Variants in KLHL29 observed in about 807,000 individuals in gnomAD.
The protein encoded by KLHL29 is kelch like family member 29, also known as kelch-like protein 29.
KLHL29 carries 21 observed loss-of-function variants against 80.4 expected under a neutral mutation model. The ratio of observed to expected loss-of-function variants is 0.26; its 90% CI spans 0.19 to 0.38. KLHL29 has a LOEUF of 0.38. Among genes scored for constraint, KLHL29 ranks in the 10% least tolerant of loss-of-function variants. The pLI, the probability that KLHL29 is intolerant of heterozygous loss-of-function variation, is 1.00. For synonymous variants in KLHL29, 511 were observed against 526.8 expected (o/e 0.97, Z 0.41); for missense variants, 867 against 1,223.9 (o/e 0.71, Z 4.35).
Position 23,574,033 on chromosome 2 carries a change from G to A in KLHL29, c.285+11552G>A, listed in dbSNP as rs139793925. 2.1e-3 allele frequency among the ~76,000 whole-genome samples: 327 copies of A among 152,268 alleles called. 1 individual carries two copies. Among genetic ancestry groups the A allele is most frequent in the African/African-American group, 7.2e-3 (299 of 41,550 alleles). On this transcript the variant is annotated intron_variant, in intron 3 of 13. Coordinates refer to ENST00000486442, the MANE Select transcript of KLHL29 (RefSeq NM_052920.2). ...GCTCCCTCTTGCTGGTCCCTCGGTCGTTCTTGGTGGATTTGAACCTGGGCT... is the reference window on the plus strand; with the variant it reads ...GCTCCCTCTTGCTGGTCCCTCGGTCATTCTTGGTGGATTTGAACCTGGGCT...
intron 1 of KLHL29, among the ~76,000 whole-genome samples, chr2:23,388,989 C>CTTTTTTTTTTTTTTTTTTTT (rs10691490): frequency 9.4e-6 from 1 of 106,878 alleles, no homozygotes; most frequent in Non-Finnish European, 1.9e-5. Flanking sequence ...CTTTCTTCTT[C>CTTTTTTTTTTTTTTTTTTTT]TTTTTTTTTT....
At chr2:23,683,906 AG>A (rs1671162836) in intron 5 of KLHL29, among the ~76,000 whole-genome samples, 1 of 152,142 alleles carries the variant, frequency 6.6e-6, no homozygotes, top group Non-Finnish European at 1.5e-5. Context: ...GTCTAACATA[AG>A]GGACGCTGTT....
intron 2 of KLHL29, among the ~76,000 whole-genome samples, chr2:23,539,685 C>A (rs116625039): frequency 1.3e-5 from 2 of 151,960 alleles, no homozygotes. Context: ...CAAGTGACCC[C>A]TCTTCCTCAG....
chr2:23,406,435 G>A (rs747750270), intron 1 of KLHL29, among the ~76,000 whole-genome samples: 8 of 151,882 alleles, frequency 5.3e-5, no homozygotes, highest in Non-Finnish European at 8.8e-5. Flanking sequence ...ACATTAGTTG[G>A]GACCATGTTG....
chr2:23,642,487 G>C lies in KLHL29; in HGVS notation c.577G>C (p.Val193Leu). 1 of 1,518,464 alleles carries C rather than the reference G, an allele frequency of 6.6e-7. No homozygotes were observed. Among genetic ancestry groups the C allele is most frequent in the Non-Finnish European group, 8.9e-7 (1 of 1,127,634 alleles). The allele number at this position is 1,518,464 out of a possible 1,614,324, so 94.1% of individuals were successfully genotyped here. A position where few individuals can be genotyped will look rare whatever the true frequency, so the allele number is the denominator to read the frequency against. The change falls in exon 5 of 14, where the codon GTG becomes CTG. Residue 193 changes from valine (V) to leucine (L), a missense_variant. Val to Leu is a conservative substitution (Grantham distance 32). Transcript: ENST00000486442. Reference sequence around the variant, plus strand: ...GGTGACCCCCTCACTGCCTCCCCACGTGGGGCCCCAGCTCCCGCTGATGCC... The same window carrying C: ...GGTGACCCCCTCACTGCCTCCCCACCTGGGGCCCCAGCTCCCGCTGATGCC... The part of the protein sequence containing the change: ...IGVTPSLPPH[V>L]GPQLPLMPGH...
At chr2:23,498,450 TG>T (rs1329458349) in intron 2 of KLHL29, among the ~76,000 whole-genome samples, 1 of 152,192 alleles carries the variant, frequency 6.6e-6, no homozygotes, top group Non-Finnish European at 1.5e-5. Flanking sequence ...GACTACTACC[TG>T]GGGGCCTCGC....
chr2:23,557,306 G>A (rs1197733050), intron 2 of KLHL29, among the ~76,000 whole-genome samples: 2 of 152,188 alleles, frequency 1.3e-5, no homozygotes, highest in Admixed American at 6.5e-5. Context: ...TCCTTTAACT[G>A]TGCCGTCTCA....
At chr2:23,589,381 G>A (rs1460865496) in intron 3 of KLHL29, among the ~76,000 whole-genome samples, 2 of 152,228 alleles carry the variant, frequency 1.3e-5, no homozygotes, top group South Asian at 4.1e-4. Flanking sequence ...TTAATAGGGC[G>A]GCCTGGGTGT....
At chr2:23,650,624 G>A (rs1670064023) in intron 5 of KLHL29, among the ~76,000 whole-genome samples, 1 of 152,202 alleles carries the variant, frequency 6.6e-6, no homozygotes, top group Non-Finnish European at 1.5e-5. Context: ...GATTCTCAGG[G>A]GCTTTGACCT....
In KLHL29 at chr2:23,684,365, G is replaced by T; in HGVS notation, c.941-34G>T. 7.3e-7 allele frequency: 1 copy of T among 1,366,844 alleles called. No homozygotes were observed. 84.7% of individuals were successfully genotyped at this position (1,366,844 alleles called of 1,614,324 possible). The stretch of plus-strand genomic sequence containing the variant: ...TTAAAAAAAAAAAAACTCTTAATGG[G>T]AACCTGGCCCTGTCTGTCTTCTCTG... On this transcript the variant is annotated intron_variant, in intron 5 of 13. Transcript: ENST00000486442. The surrounding 1 kb of genome is among the most constrained non-coding windows in gnomAD (Gnocchi z 4.4).
chr2:23,580,323 G>A lies in KLHL29; in HGVS notation c.285+17842G>A, dbSNP rs573864573. Among the ~76,000 whole-genome samples the A allele has an allele frequency of 1.5e-3, 224 of 150,908 alleles. 1 individual carries two copies. The highest frequency in any genetic ancestry group is 5.1e-3 in the African/African-American group (209 of 40,994). Reference sequence around the variant, plus strand: ...GGAGGCAGAGCTTGCAGTGAGCCGAGATCACGCCACTGCACTCCAGCCTGG... The same window carrying A: ...GGAGGCAGAGCTTGCAGTGAGCCGAAATCACGCCACTGCACTCCAGCCTGG... On this transcript the variant is annotated intron_variant, in intron 3 of 13. Coordinates refer to ENST00000486442, the MANE Select transcript of KLHL29 (RefSeq NM_052920.2).
intron 3 of KLHL29, among the ~76,000 whole-genome samples, chr2:23,563,133 G>A (rs529092971): frequency 3.3e-5 from 5 of 152,344 alleles, no homozygotes; most frequent in African/African-American, 1.2e-4. Context: ...GGATGTCAGC[G>A]CCAGGTCATT....
intron 1 of KLHL29, among the ~76,000 whole-genome samples, chr2:23,420,097 C>T (rs1169258360): frequency 6.6e-6 from 1 of 152,192 alleles, no homozygotes; most frequent in African/African-American, 2.4e-5. Context: ...CCTACGTCAG[C>T]ATGTGGTGAC....
At chr2:23,498,810 C>T (rs889984955) in intron 2 of KLHL29, among the ~76,000 whole-genome samples, 3 of 152,204 alleles carry the variant, frequency 2.0e-5, no homozygotes, top group Non-Finnish European at 4.4e-5. Context: ...CCATATTGGA[C>T]AGTGTAACCT....
chr2:23,536,890 TCACACACACACACA>T (rs111611960), intron 2 of KLHL29, among the ~76,000 whole-genome samples: 1 of 143,222 alleles, frequency 7.0e-6, no homozygotes, highest in African/African-American at 2.7e-5. Context: ...AAGACAGATC[TCACACACACACACA>T]CACACACACA....
At chr2:23,550,770 G>T (rs543137928) in intron 2 of KLHL29, among the ~76,000 whole-genome samples, 10 of 152,330 alleles carry the variant, frequency 6.6e-5, no homozygotes, top group Middle Eastern at 6.8e-3. Context: ...CTTGCCACTG[G>T]GTCTGGCTCC....
chr2:23,654,538 G>GTCTT, intron 5 of KLHL29, among the ~76,000 whole-genome samples: 1 of 152,302 alleles, frequency 6.6e-6, no homozygotes, highest in East Asian at 1.9e-4. Flanking sequence ...AGATGTGGAT[G>GTCTT]TGTGGCCTCC....
chr2:23,613,155 A>C (rs1668911828), intron 3 of KLHL29, among the ~76,000 whole-genome samples: 1 of 152,246 alleles, frequency 6.6e-6, no homozygotes, highest in Non-Finnish European at 1.5e-5. Context: ...GGAGAAAAGA[A>C]TAAAAGGAAC....
intron 2 of KLHL29, among the ~76,000 whole-genome samples, chr2:23,515,126 C>A (rs565105125): frequency 6.6e-6 from 1 of 152,198 alleles, no homozygotes; most frequent in African/African-American, 2.4e-5. Flanking sequence ...TAACCCAAAT[C>A]ACTTTCTGGA....
Sources: gnomAD v4.1 joint callset for allele counts (sites outside exome capture counted in the v4.1 genomes callset) on GRCh38, gnomAD v4.1.1 for gene constraint, Gnocchi (gnomAD v3.1) non-coding constraint, MANE v1.5 for transcripts, NCBI Gene and HGNC (gene_info 2026-07-23, HGNC 2026-07-21) for gene names.